ANKRD13C: variants seen among roughly 807,000 people sequenced by gnomAD.
The protein encoded by ANKRD13C is ankyrin repeat domain 13C.
In ANKRD13C, 16 loss-of-function variants were observed where a neutral mutation model predicts 65.5. That is an observed-to-expected ratio of 0.24 (90% CI 0.17 to 0.37). ANKRD13C has a LOEUF of 0.37. Ranked by LOEUF, ANKRD13C falls within the 10% of genes least tolerant of loss-of-function variation. The pLI is 1.00. For missense variants in ANKRD13C, 503 were observed against 655.9 expected, an observed-to-expected ratio of 0.77 and a Z score of 2.55; for synonymous variants, 235 against 238.7, an observed-to-expected ratio of 0.98 and a Z score of 0.14.
intron 2 of ANKRD13C, among the ~76,000 whole-genome samples, chr1:70,326,164 G>A (rs1282454662): frequency 6.9e-6 from 1 of 145,350 alleles, no homozygotes; most frequent in Non-Finnish European, 1.5e-5. Flanking sequence ...CCGGGAGGTG[G>A]AGGTTGCAGT....
At chr1:70,295,359 T>G (rs887280417) in intron 8 of ANKRD13C, among the ~76,000 whole-genome samples, 2 of 152,222 alleles carry the variant, frequency 1.3e-5, no homozygotes, top group African/African-American at 2.4e-5. Flanking sequence ...GCGATTCTCC[T>G]GCCTCAGCCT....
chr1:70,262,796 C>T lies in ANKRD13C; in HGVS notation c.1547G>A (p.Arg516Gln), dbSNP rs770670707. The T allele has an allele frequency of 1.5e-5, 25 of 1,613,304 alleles. No homozygotes were observed. Among genetic ancestry groups the T allele is most frequent in the Non-Finnish European group, 1.4e-5 (16 of 1,179,618 alleles). ...ITATVTFQEF[R>Q]YDEFDGSIFT... Reference sequence around the variant, plus strand: ...GATGGAGCCATCAAATTCATCGTATCGAAACTCCTGAAAAGTCACAGTGGC... The same window carrying T: ...GATGGAGCCATCAAATTCATCGTATTGAAACTCCTGAAAAGTCACAGTGGC... The change falls in exon 13 of 13, where the codon CGA becomes CAA. Residue 516 changes from arginine (R) to glutamine (Q), a missense_variant. Around this residue, in one of 2 missense-constraint regions of ANKRD13C, gnomAD observed 300 missense variants for 478.3 expected, o/e 0.63. Coordinates refer to ENST00000370944, the MANE Select transcript of ANKRD13C (RefSeq NM_030816.5).
intron 2 of ANKRD13C, among the ~76,000 whole-genome samples, chr1:70,332,977 C>T (rs1681876422): frequency 6.6e-6 from 1 of 152,036 alleles, no homozygotes; most frequent in South Asian, 2.1e-4. Flanking sequence ...AGGAAGGATT[C>T]CAGAATAGCA....
At chr1:70,342,964 C>T (rs1682379659) in intron 1 of ANKRD13C, among the ~76,000 whole-genome samples, 1 of 152,130 alleles carries the variant, frequency 6.6e-6, no homozygotes, top group African/African-American at 2.4e-5. Flanking sequence ...GTGAAGAAGT[C>T]AAGGTGGCCG....
intron 1 of ANKRD13C, among the ~76,000 whole-genome samples, chr1:70,340,888 G>A (rs1682277714): frequency 6.6e-6 from 1 of 152,134 alleles, no homozygotes; most frequent in African/African-American, 2.4e-5. Flanking sequence ...CGAGGCAGAT[G>A]GATCACGAGC....
intron 2 of ANKRD13C, among the ~76,000 whole-genome samples, chr1:70,329,834 T>C (rs1027944181): frequency 6.6e-6 from 1 of 152,024 alleles, no homozygotes; most frequent in Non-Finnish European, 1.5e-5. Flanking sequence ...GGCTCACGCC[T>C]GTAATCCCAG....
intron 5 of ANKRD13C, among the ~76,000 whole-genome samples, chr1:70,308,555 C>CGG (rs1680689656): frequency 6.6e-6 from 1 of 151,612 alleles, no homozygotes; most frequent in African/African-American, 2.4e-5. Context: ...CTGGCTAACA[C>CGG]GGTGAAACCC....
intron 2 of ANKRD13C, among the ~76,000 whole-genome samples, chr1:70,332,346 T>C (rs1447981559): frequency 6.6e-6 from 1 of 152,248 alleles, no homozygotes; most frequent in East Asian, 1.9e-4. Context: ...ATTTTTCAAA[T>C]TGATTTGCTC....
At chr1:70,285,023 C>G (rs1438289555) in intron 9 of ANKRD13C, among the ~76,000 whole-genome samples, 2 of 152,056 alleles carry the variant, frequency 1.3e-5, no homozygotes, top group Non-Finnish European at 1.5e-5. Flanking sequence ...AAATATAATG[C>G]TTTCCACACA....
At chr1:70,307,935 C>T (rs1424308476) in intron 5 of ANKRD13C, among the ~76,000 whole-genome samples, 1 of 151,654 alleles carries the variant, frequency 6.6e-6, no homozygotes, top group Admixed American at 6.6e-5. Context: ...GGTGACACAG[C>T]AAAACCCTAT....
chr1:70,329,002 T>C (rs1681668246), intron 2 of ANKRD13C, among the ~76,000 whole-genome samples: 1 of 152,156 alleles, frequency 6.6e-6, no homozygotes, highest in Non-Finnish European at 1.5e-5. Context: ...TGGTAGACTT[T>C]TGAAAGAAAA....
chr1:70,298,403 C>T (rs190294658), intron 7 of ANKRD13C, among the ~76,000 whole-genome samples: 10 of 152,204 alleles, frequency 6.6e-5, no homozygotes, highest in African/African-American at 2.2e-4. Context: ...TTAGGATAAA[C>T]AACAAGTATT....
intron 1 of ANKRD13C, among the ~76,000 whole-genome samples, chr1:70,349,022 C>G (rs1443604683): frequency 2.0e-5 from 3 of 152,104 alleles, no homozygotes; most frequent in Non-Finnish European, 4.4e-5. Flanking sequence ...AGCTGCTTAG[C>G]TTCTTAAAGA....
At chr1:70,264,420 G>A (rs1249965153) in intron 12 of ANKRD13C, among the ~76,000 whole-genome samples, 3 of 138,688 alleles carry the variant, frequency 2.2e-5, no homozygotes, top group Non-Finnish European at 4.5e-5. Context: ...AGGTTGCAGT[G>A]AGCCAAGATT....
chr1:70,273,690 C>T (rs1398465009), intron 11 of ANKRD13C, among the ~76,000 whole-genome samples: 5 of 149,756 alleles, frequency 3.3e-5, no homozygotes, highest in East Asian at 2.0e-4. Context: ...TTTTTTGAGA[C>T]GGACTCTCCA....
In ANKRD13C at chr1:70,292,616, T is replaced by C. The variant is rs116596363; in HGVS notation, c.1054-67A>G. 1,153 of 1,190,678 alleles carry C rather than the reference T, an allele frequency of 9.7e-4. 10 individuals are homozygous for C. In the African/African-American group the frequency reaches 0.017, roughly 17 times the overall value. 73.8% of individuals were successfully genotyped at this position (1,190,678 alleles called of 1,614,324 possible). ...AAAAAAAGTGTCAAGGTAATATATTTTTCCATAAATATGTAACATGTAGGT... is the reference window on the plus strand; with the variant it reads ...AAAAAAAGTGTCAAGGTAATATATTCTTCCATAAATATGTAACATGTAGGT... On this transcript the variant is annotated intron_variant, in intron 8 of 12. Transcript: ENST00000370944.
chr1:70,276,616 A>G (rs1679146264), intron 10 of ANKRD13C, 149 bp downstream of exon 10: 2 of 676,800 alleles, frequency 3.0e-6, no homozygotes, highest in Admixed American at 3.1e-5. Flanking sequence ...TATTTAATCC[A>G]TATTTTTAAA....
intron 5 of ANKRD13C, among the ~76,000 whole-genome samples, chr1:70,310,060 C>T (rs4650038): frequency 6.6e-6 from 1 of 151,906 alleles, no homozygotes; most frequent in Non-Finnish European, 1.5e-5. Flanking sequence ...ACTTAGGGGT[C>T]GGTATTTCTG....
At chr1:70,308,037 A>C (rs1680659864) in intron 5 of ANKRD13C, among the ~76,000 whole-genome samples, 1 of 152,238 alleles carries the variant, frequency 6.6e-6, no homozygotes, top group African/African-American at 2.4e-5. Flanking sequence ...TAAATGATCA[A>C]AGTTCTTTCA....
Sources: gnomAD v4.1 joint callset for allele counts (sites outside exome capture counted in the v4.1 genomes callset) on GRCh38, gnomAD v4.1.1 for gene constraint, gnomAD v4.1.1 regional missense constraint, MANE v1.5 for transcripts, NCBI Gene and HGNC (gene_info 2026-07-23, HGNC 2026-07-21) for gene names.